The following CDHR5 variants were observed in gnomAD, a reference collection of about 807,000 sequenced individuals.
CDHR5 encodes cadherin related family member 5, also known as cadherin-related family member 5.
A neutral mutation model predicts 69.5 loss-of-function variants in CDHR5; 82 were observed. That is an observed-to-expected ratio of 1.18 (90% CI 0.99 to 1.42). The LOEUF is 1.42. Among genes scored for constraint, CDHR5 ranks in the 40% most tolerant of loss-of-function variants. The pLI is 0.00. For missense variants in CDHR5, 1,293 were observed against 1,168.9 expected (o/e 1.11, Z -1.55); for synonymous variants, 601 against 510.2 (o/e 1.18, Z -2.40).
intron 12 of CDHR5, 61 bp from the exon 13 acceptor site, chr11:619,241 G>C: frequency 4.0e-6 from 6 of 1,481,712 alleles, no homozygotes; most frequent in Non-Finnish European, 5.6e-6. Context: ...CCTACCGCGG[G>C]AAAGGAGCCA....
chr11:620,033 T>A, intron 9 of CDHR5, 34 bp downstream of exon 9: 10 of 642,620 alleles, frequency 1.6e-5, no homozygotes, highest in Non-Finnish European at 2.4e-5. Flanking sequence ...CCCTTCCCCC[T>A]CTGCCCTGCC....
intron 9 of CDHR5, 52 bp from the exon 10 acceptor site, chr11:619,933 G>C (rs1460511188): frequency 6.8e-7 from 1 of 1,464,272 alleles, no homozygotes. Context: ...TGGAGCTGGC[G>C]CTGAAGGCTG....
In CDHR5 at chr11:621,691, C is replaced by A. The variant is rs1857409813; in HGVS notation, c.406-28G>T. ...GGGGAGGGAGAGGGGCTTGGTCCGGCCACACTCTTGGCCCCTGTGGACCCC... is the reference window on the plus strand; with the variant it reads ...GGGGAGGGAGAGGGGCTTGGTCCGGACACACTCTTGGCCCCTGTGGACCCC... On this transcript the variant is annotated intron_variant, in intron 4 of 14. Transcript: ENST00000397542. The surrounding 1 kb of genome is among the most constrained non-coding windows in gnomAD (Gnocchi z 4.4). 1 of 1,581,792 alleles carries A rather than the reference C, an allele frequency of 6.3e-7. No homozygotes were observed. Among genetic ancestry groups the A allele is most frequent in the African/African-American group, 1.4e-5 (1 of 73,978 alleles).
At position 618,746 on chromosome 11, in the gene CDHR5, G is replaced by C; in HGVS notation, c.1813C>G (p.Pro605Ala). 1.2e-6 allele frequency: 2 copies of C among 1,606,522 alleles called. No individual in the cohort carries two copies. The highest frequency in any genetic ancestry group is 1.7e-6 in the Non-Finnish European group (2 of 1,178,186). The change falls in exon 13 of 15, where the codon CCA becomes GCA. Residue 605 changes from proline (P) to alanine (A), a missense_variant. Physicochemically the swap from Pro to Ala is conservative, Grantham distance 27 (BLOSUM62 -1). Transcript: ENST00000397542. ...ATCGGCTGAGAGGTTCCTGCCTCTG[G>C]GGTCTGTGCTGTGCCCCCACCGGGT... ...ATPGGGTAQT[P>A]EAGTSQPMPP...
rs1342635222 is a variant in CDHR5, at chr11:617,139, G to A, written c.*212C>T. ...GTGCTGCAGCCTTGGGGTGGGGACA[G>A]CGTGGCCAGACCCACCGCCTCATCT... On this transcript the variant is annotated 3_prime_UTR_variant, in exon 15 of 15. Coordinates refer to ENST00000397542, the MANE Select transcript of CDHR5 (RefSeq NM_021924.5). 2 of 581,158 alleles carry A rather than the reference G, an allele frequency of 3.4e-6. No individual in the cohort carries two copies. The highest frequency in any genetic ancestry group is 6.2e-6 in the Non-Finnish European group (2 of 324,766). 36.0% of individuals were successfully genotyped at this position (581,158 alleles called of 1,614,324 possible). A position where few individuals can be genotyped will look rare whatever the true frequency, so the allele number is the denominator to read the frequency against.
Position 616,696 on chromosome 11 carries a change from G to T in CDHR5, c.*655C>A, listed in dbSNP as rs1284212637. ...AGCCTGGGCTCTGGCTTTGGGAGCA[G>T]CGAGGGGAATGTGTCTCTCACCCCT... On this transcript the variant is annotated 3_prime_UTR_variant, in exon 15 of 15. Transcript: ENST00000397542. 6.5e-6 allele frequency: 1 copy of T among 154,024 alleles called. No individual in the cohort carries two copies. Among genetic ancestry groups the T allele is most frequent in the Non-Finnish European group, 1.5e-5 (1 of 68,382 alleles). The allele number at this position is 154,024 out of a possible 1,614,324, so 9.5% of individuals were successfully genotyped here. A position where few individuals can be genotyped will look rare whatever the true frequency, so the allele number is the denominator to read the frequency against.
Position 616,951 on chromosome 11 carries a change from CGGGAGCG to C in CDHR5, c.*393_*399del. 9.2e-6 allele frequency: 2 copies of C among 216,526 alleles called. No individual in the cohort carries two copies. Among genetic ancestry groups the C allele is most frequent in the South Asian group, 1.0e-4 (1 of 10,034 alleles). 13.4% of individuals were successfully genotyped at this position (216,526 alleles called of 1,614,324 possible). On this transcript the variant is annotated 3_prime_UTR_variant, in exon 15 of 15. Transcript: ENST00000397542. The stretch of plus-strand genomic sequence containing the variant: ...TCCCCAGGCAATCTCTGTGTAGGGT[CGGGAGCG>C]GGAGGTCTGAGATGAGCCGGGTGCC...
Position 621,687 on chromosome 11 carries a change from C to T in CDHR5, c.406-24G>A, listed in dbSNP as rs537559208. The T allele has an allele frequency of 5.4e-4, 863 of 1,585,268 alleles. 14 individuals carry two copies. In the South Asian group the frequency reaches 9.1e-3, roughly 17 times the overall value. On this transcript the variant is annotated intron_variant, in intron 4 of 14. Coordinates refer to ENST00000397542, the MANE Select transcript of CDHR5 (RefSeq NM_021924.5). This position sits in a 1 kb window ranked among gnomAD's most constrained non-coding sequence, Gnocchi z 4.4. ...TCCTGGGGAGGGAGAGGGGCTTGGT[C>T]CGGCCACACTCTTGGCCCCTGTGGA... is the stretch of plus-strand genomic sequence containing the variant.
rs1004287069 is a variant in CDHR5 at position 621,734 on chromosome 11, C to T, written c.406-71G>A. The T allele has an allele frequency of 1.2e-5, 18 of 1,545,838 alleles. No individual in the cohort carries two copies. The highest frequency in any genetic ancestry group is 7.8e-5 in the South Asian group (7 of 89,280). ...TGGACCCCCACTGTGGTTGAGCCCCCGGCCACCACTCACCTCCTGCCCTCA... is the reference window on the plus strand; with the variant it reads ...TGGACCCCCACTGTGGTTGAGCCCCTGGCCACCACTCACCTCCTGCCCTCA... On this transcript the variant is annotated intron_variant, in intron 4 of 14. Coordinates refer to ENST00000397542, the MANE Select transcript of CDHR5 (RefSeq NM_021924.5). This position sits in a 1 kb window ranked among gnomAD's most constrained non-coding sequence, Gnocchi z 4.4.
rs541354670 is a variant in CDHR5 at position 619,898 on chromosome 11, C to T, written c.979-17G>A. ...CTGTTGGCCCTGGAGGCGGGGGAGG[C>T]AGCAGTGACTAGTGGGGTTGAAGGT... On this transcript the variant is annotated splice_polypyrimidine_tract_variant and intron_variant, in intron 9 of 14. Coordinates refer to ENST00000397542, the MANE Select transcript of CDHR5 (RefSeq NM_021924.5). 10 of 1,523,302 alleles carry T rather than the reference C, an allele frequency of 6.6e-6. No homozygotes were observed. The East Asian group carries it at 2.4e-4, about 37-fold the overall frequency. The allele number at this position is 1,523,302 out of a possible 1,614,324, so 94.4% of individuals were successfully genotyped here. A position where few individuals can be genotyped will look rare whatever the true frequency, so the allele number is the denominator to read the frequency against.
rs1857215205 is a variant in CDHR5 at position 619,406 on chromosome 11, G to A, written c.1294-16C>T. 2.5e-6 allele frequency: 4 copies of A among 1,610,476 alleles called. No homozygotes were observed. In the African/African-American group the frequency reaches 4.0e-5, roughly 16 times the overall value. ...GGGCCTCAACCTGGGGCAGGAAGGGGCTTGTCCCTCCTAGACACATCTTTA... is the reference window on the plus strand; with the variant it reads ...GGGCCTCAACCTGGGGCAGGAAGGGACTTGTCCCTCCTAGACACATCTTTA... On this transcript the variant is annotated splice_polypyrimidine_tract_variant and intron_variant, in intron 11 of 14. Transcript: ENST00000397542.
chr11:623,905 A>T (rs1857560812), intron 3 of CDHR5, among the ~76,000 whole-genome samples: 2 of 151,020 alleles, frequency 1.3e-5, no homozygotes, highest in African/African-American at 4.9e-5. Flanking sequence ...GTGGGGAGGG[A>T]GGGCGAGTGG....
Position 620,127 on chromosome 11 carries a change from C to T in CDHR5, c.918G>A (p.Ser306=), listed in dbSNP as rs199715724. 2.7e-5 allele frequency: 44 copies of T among 1,613,364 alleles called. No individual in the cohort carries two copies. The highest frequency in any genetic ancestry group is 8.0e-5 in the African/African-American group (6 of 74,852). The part of the protein sequence containing the change: ...VNGTFIIHPD[S]GNLTVARSVP... ...CACTCCTGGCCACGGTGAGGTTGCC[C>T]GAGTCTGGGTGGATGATGAATGTAC... The change falls in exon 9 of 15, where the codon TCG becomes TCA. Residue 306 remains serine, a synonymous_variant. Transcript: ENST00000397542.
In CDHR5 at chr11:621,205, TG is replaced by T; in HGVS notation, c.663del (p.Thr222HisfsTer2). 1 of 1,601,208 alleles carries T rather than the reference TG, an allele frequency of 6.2e-7. No homozygotes were observed. ...GCGGGCACCACGTTCAGCACTAGTG[TG>T]GCGGTGGCAGTGTGGCTGGGTTCCA... The part of the protein sequence containing the change: ...ENVEPSHTAT[A>X]TLVLNVVPAD... On this transcript the variant is annotated frameshift_variant, in exon 7 of 15. Transcript: ENST00000397542. LOFTEE classifies it high-confidence loss of function. The surrounding 1 kb of genome is among the most constrained non-coding windows in gnomAD (Gnocchi z 4.4).
In CDHR5 at chr11:619,192, G is replaced by T; in HGVS notation, c.1379-12C>A. On this transcript the variant is annotated splice_polypyrimidine_tract_variant and intron_variant, in intron 12 of 14. Coordinates refer to ENST00000397542, the MANE Select transcript of CDHR5 (RefSeq NM_021924.5). Reference sequence around the variant, plus strand: ...GGATGGGGGGACATCTGGGGGCCGGGAACAGTGCTTGGGCTTGCCTCTGCC... The same window carrying T: ...GGATGGGGGGACATCTGGGGGCCGGTAACAGTGCTTGGGCTTGCCTCTGCC... The T allele has an allele frequency of 6.6e-7, 1 of 1,510,114 alleles. No individual in the cohort carries two copies. The highest frequency in any genetic ancestry group is 8.9e-7 in the Non-Finnish European group (1 of 1,118,326). 93.5% of individuals were successfully genotyped at this position (1,510,114 alleles called of 1,614,324 possible).
Position 617,518 on chromosome 11 carries a change from C to T in CDHR5, c.2371G>A (p.Val791Ile). ...GTCCCGATGTCCTCGCCAAACCAGA[C>T]AGCCTTGTACCCGCCCTCCGGCCGC... ...ERRPEGGYKA[V>I]WFGEDIGTEA... The change falls in exon 15 of 15, where the codon GTC becomes ATC. Residue 791 changes from valine (V) to isoleucine (I), a missense_variant. Val to Ile is a conservative substitution (Grantham distance 29, BLOSUM62 3). Coordinates refer to ENST00000397542, the MANE Select transcript of CDHR5 (RefSeq NM_021924.5). 1.2e-6 allele frequency: 2 copies of T among 1,612,686 alleles called. No homozygotes were observed. The highest frequency in any genetic ancestry group is 1.3e-5 in the African/African-American group (1 of 75,038).
chr11:624,841 G>C lies in CDHR5; in HGVS notation c.62C>G (p.Pro21Arg). 1 of 1,603,098 alleles carries C rather than the reference G, an allele frequency of 6.2e-7. No individual in the cohort carries two copies. Among genetic ancestry groups the C allele is most frequent in the Non-Finnish European group, 8.5e-7 (1 of 1,176,106 alleles). ...LLFTGLLVRP[P>R]GTMAQAQYCS... ...ACACTGGGCCTGGGCCATGGTCCCC[G>C]GGGGTCGGACGAGCAGCCCGGTGAA... is the stretch of plus-strand genomic sequence containing the variant. Residue 21 changes from proline to arginine, a missense_variant, in exon 1 of 15, where the codon CCG becomes CGG. Pro to Arg is a moderately radical substitution (Grantham distance 103). Transcript: ENST00000397542. The surrounding 1 kb of genome is among the most constrained non-coding windows in gnomAD (Gnocchi z 5.3).
Position 619,857 on chromosome 11 carries a change from A to T in CDHR5, c.1003T>A (p.Tyr335Asn), listed in dbSNP as rs1361623230. ...TCCACGGTGACCTGGGTCACTGAGTAGCGGGCAAGGTCGGCCTGTTGGCCC... is the reference window on the plus strand; with the variant it reads ...TCCACGGTGACCTGGGTCACTGAGTTGCGGGCAAGGTCGGCCTGTTGGCCC... The part of the protein sequence containing the change: ...VKGQQADLAR[Y>N]SVTQVTVEAV... Residue 335 changes from tyrosine (Y) to asparagine (N), a missense_variant, in exon 10 of 15, where the codon TAC becomes AAC. Physicochemically the swap from Tyr to Asn is moderately radical, Grantham distance 143. Transcript: ENST00000397542. 2 of 1,556,638 alleles carry T rather than the reference A, an allele frequency of 1.3e-6. No homozygotes were observed. Among genetic ancestry groups the T allele is most frequent in the Admixed American group, 1.9e-5 (1 of 52,738 alleles).
chr11:618,411 G>A (rs1429992972), intron 13 of CDHR5, among the ~76,000 whole-genome samples, 188 bp downstream of exon 13: 1 of 152,224 alleles, frequency 6.6e-6, no homozygotes. Context: ...TCTGGCCTCT[G>A]TCCTACACAC....
Sources: gnomAD v4.1 joint callset for allele counts (sites outside exome capture counted in the v4.1 genomes callset) on GRCh38, gnomAD v4.1.1 for gene constraint, Gnocchi (gnomAD v3.1) non-coding constraint, MANE v1.5 for transcripts, NCBI Gene and HGNC (gene_info 2026-07-23, HGNC 2026-07-21) for gene names.